CTTNBP2NL: variants seen among roughly 807,000 people sequenced by gnomAD.
CTTNBP2NL encodes CTTNBP2 N-terminal-like protein.
CTTNBP2NL carries 16 observed loss-of-function variants against 32.5 expected under a neutral mutation model. The observed-to-expected ratio is 0.49, with a 90% CI of 0.33 to 0.75. CTTNBP2NL has a LOEUF of 0.75. CTTNBP2NL is among the 30% of genes least tolerant of loss of function. The pLI is 0.02. For synonymous variants in CTTNBP2NL, 298 were observed against 289.4 expected (o/e 1.03, Z -0.30); for missense variants, 645 against 756.0 (o/e 0.85, Z 1.72).
chr1:112,426,758 C>G (rs1649416237), intron 3 of CTTNBP2NL, among the ~76,000 whole-genome samples: 1 of 151,838 alleles, frequency 6.6e-6, no homozygotes, highest in Non-Finnish European at 1.5e-5. Context: ...AGTTGCCCAC[C>G]ACCACACCCA....
chr1:112,420,931 A>T (rs1649210627), intron 3 of CTTNBP2NL, among the ~76,000 whole-genome samples: 1 of 152,182 alleles, frequency 6.6e-6, no homozygotes, highest in South Asian at 2.1e-4. Context: ...TTAGGGTTTG[A>T]GCTCTGCCAC....
chr1:112,416,342 G>C, intron 3 of CTTNBP2NL, 78 bp downstream of exon 3: 1 of 777,176 alleles, frequency 1.3e-6, no homozygotes, highest in Non-Finnish European at 2.1e-6. Context: ...TTTAACTAAG[G>C]TATTTCTGCA....
chr1:112,407,011 A>G (rs774016491), intron 1 of CTTNBP2NL, among the ~76,000 whole-genome samples: 4 of 152,236 alleles, frequency 2.6e-5, no homozygotes, highest in Non-Finnish European at 2.9e-5. Context: ...TATTCATATT[A>G]TATTTCAGGA....
At chr1:112,455,662 G>A (rs1379721455) in intron 5 of CTTNBP2NL, among the ~76,000 whole-genome samples, 1 of 152,236 alleles carries the variant, frequency 6.6e-6, no homozygotes, top group East Asian at 1.9e-4. Context: ...TGGTTCTGAT[G>A]CTCTCCACAT....
upstream of CTTNBP2NL, among the ~76,000 whole-genome samples, chr1:112,391,386 T>C (rs1427010211): frequency 6.6e-6 from 1 of 152,184 alleles, no homozygotes; most frequent in Non-Finnish European, 1.5e-5. Context: ...TACATCTAGC[T>C]CACTCAGCAC....
intron 3 of CTTNBP2NL, among the ~76,000 whole-genome samples, chr1:112,446,080 A>G (rs778615105): frequency 1.3e-5 from 2 of 152,198 alleles, no homozygotes; most frequent in African/African-American, 2.4e-5. Flanking sequence ...AATGGCTATC[A>G]TGAATAAGAA....
intron 3 of CTTNBP2NL, among the ~76,000 whole-genome samples, chr1:112,434,768 C>A (rs536220149): frequency 1.3e-5 from 2 of 152,232 alleles, no homozygotes; most frequent in Non-Finnish European, 2.9e-5. Flanking sequence ...TCCATTCTTC[C>A]ATAACCTTGC....
In CTTNBP2NL at chr1:112,399,579, A is replaced by G. The variant is rs937919739; in HGVS notation, c.-134+3307A>G. On this transcript the variant is annotated intron_variant, in intron 1 of 5. Transcript: ENST00000271277. Reference sequence around the variant, plus strand: ...ATCACATTTGCAGTGCTACCAGTTGATTTGCAGCGTAGGATTTGAATTCTT... The same window carrying G: ...ATCACATTTGCAGTGCTACCAGTTGGTTTGCAGCGTAGGATTTGAATTCTT... Among the ~76,000 whole-genome samples the G allele has an allele frequency of 2.6e-5, 4 of 152,100 alleles. No individual in the cohort carries two copies. The East Asian group carries it at 7.7e-4, about 29-fold the overall frequency.
chr1:112,414,407 TG>T lies in CTTNBP2NL; in HGVS notation c.-9-1749del, dbSNP rs376311610. On this transcript the variant is annotated intron_variant, in intron 2 of 5. Coordinates refer to ENST00000271277, the MANE Select transcript of CTTNBP2NL (RefSeq NM_018704.3). ...GTTAGAGCTGAGGTTACATCGAAGA[TG>T]TTTTACTATGCTTTAAAAGACTTGG... Among the ~76,000 whole-genome samples, 229 of 152,320 alleles carry T rather than the reference TG, an allele frequency of 1.5e-3. 1 individual carries two copies. Among genetic ancestry groups the T allele is most frequent in the African/African-American group, 5.1e-3 (214 of 41,572 alleles).
chr1:112,434,549 A>G (rs898169498), intron 3 of CTTNBP2NL, among the ~76,000 whole-genome samples: 1 of 152,142 alleles, frequency 6.6e-6, no homozygotes, highest in Non-Finnish European at 1.5e-5. Flanking sequence ...TCTGCTACTC[A>G]TCTTATATCC....
chr1:112,407,938 G>C (rs146011266), intron 1 of CTTNBP2NL, among the ~76,000 whole-genome samples: 1 of 134,958 alleles, frequency 7.4e-6, no homozygotes. Context: ...TCCACCACCC[G>C]GGCTCACGCA....
At chr1:112,401,500 A>G (rs1163356989) in intron 1 of CTTNBP2NL, among the ~76,000 whole-genome samples, 1 of 152,200 alleles carries the variant, frequency 6.6e-6, no homozygotes, top group Non-Finnish European at 1.5e-5. Context: ...TTTTGTAGAT[A>G]CTGTGATTAC....
chr1:112,400,654 T>C (rs1489284145), intron 1 of CTTNBP2NL, among the ~76,000 whole-genome samples: 1 of 152,106 alleles, frequency 6.6e-6, no homozygotes, highest in Non-Finnish European at 1.5e-5. Flanking sequence ...TAACAGGGTG[T>C]GGTGGCACAT....
At chr1:112,409,595 T>C (rs1219694278) in intron 1 of CTTNBP2NL, among the ~76,000 whole-genome samples, 7 of 152,194 alleles carry the variant, frequency 4.6e-5, no homozygotes, top group Non-Finnish European at 8.8e-5. Context: ...AACATCTTGC[T>C]TGTACTCCAC....
intron 3 of CTTNBP2NL, among the ~76,000 whole-genome samples, chr1:112,442,669 G>C (rs999832138): frequency 2.6e-5 from 4 of 151,886 alleles, no homozygotes; most frequent in African/African-American, 9.7e-5. Flanking sequence ...TGTTGAAACA[G>C]CTACATTATT....
At chr1:112,418,104 C>G (rs1294405241) in intron 3 of CTTNBP2NL, among the ~76,000 whole-genome samples, 1 of 152,040 alleles carries the variant, frequency 6.6e-6, no homozygotes, top group African/African-American at 2.4e-5. Context: ...TTCTCCCTAG[C>G]TTCAAAATAG....
rs1294742763 is a variant in CTTNBP2NL at position 112,459,071 on chromosome 1, A to C, written c.*1659A>C. On this transcript the variant is annotated 3_prime_UTR_variant, in exon 6 of 6. Transcript: ENST00000271277. Reference sequence around the variant, plus strand: ...CCAAATTTTCATGAGAAACATTCTCATTTTTAAATATCAAGAAGTGATTTT... The same window carrying C: ...CCAAATTTTCATGAGAAACATTCTCCTTTTTAAATATCAAGAAGTGATTTT... 6.6e-6 allele frequency: 1 copy of C among 152,252 alleles called. No homozygotes were observed. Among genetic ancestry groups the C allele is most frequent in the East Asian group, 1.9e-4 (1 of 5,198 alleles). 9.4% of individuals were successfully genotyped at this position (152,252 alleles called of 1,614,324 possible).
In CTTNBP2NL at chr1:112,426,001, G is replaced by GTGTC. The variant is rs36168869; in HGVS notation, c.99+9747_99+9750dup. ...TGTGTGTGTGTGTGTGTGTGTGTGT[G>GTGTC]TGTCTGTCTGTCTTACTACATTGGC... On this transcript the variant is annotated intron_variant, in intron 3 of 5. Coordinates refer to ENST00000271277, the MANE Select transcript of CTTNBP2NL (RefSeq NM_018704.3). 1.3e-3 allele frequency among the ~76,000 whole-genome samples: 95 copies of GTGTC among 72,670 alleles called. 1 individual carries two copies. The highest frequency in any genetic ancestry group is 0.01 in the Middle Eastern group (1 of 96). 47.7% of individuals were successfully genotyped at this position (72,670 alleles called of 152,430 possible). A position where few individuals can be genotyped will look rare whatever the true frequency, so the allele number is the denominator to read the frequency against.
At chr1:112,391,863 C>T (rs1468246218), upstream of CTTNBP2NL, among the ~76,000 whole-genome samples, 5 of 152,162 alleles carry the variant, frequency 3.3e-5, no homozygotes, top group African/African-American at 7.2e-5. Flanking sequence ...TAGTGGTGCG[C>T]GCCTGTAATC....
Sources: allele counts gnomAD v4.1 joint callset (sites outside exome capture counted in the v4.1 genomes callset), GRCh38; gene constraint gnomAD v4.1.1; transcripts MANE v1.5; gene names NCBI Gene and HGNC (gene_info 2026-07-23, HGNC 2026-07-21).